EYA4: variants seen among roughly 807,000 people sequenced by gnomAD.
The protein encoded by EYA4 is EYA transcriptional coactivator and phosphatase 4.
Under a neutral mutation model 87.9 loss-of-function variants are expected in EYA4, and 31 were observed. The observed-to-expected ratio is 0.35, with a 90% CI of 0.27 to 0.48. The LOEUF (loss-of-function observed/expected upper bound fraction) is 0.48. Among genes scored for constraint, EYA4 ranks in the 20% least tolerant of loss-of-function variants. EYA4 has a pLI of 0.99. For missense variants in EYA4, 678 were observed against 761.4 expected (o/e 0.89, Z 1.29); for synonymous variants, 263 against 270.6 (o/e 0.97, Z 0.28).
At chr6:133,309,591 G>A (rs965774937) in intron 2 of EYA4, among the ~76,000 whole-genome samples, 2 of 152,112 alleles carry the variant, frequency 1.3e-5, no homozygotes, top group African/African-American at 4.8e-5. Context: ...TCATTAATTT[G>A]CTATTAATGT....
intron 2 of EYA4, among the ~76,000 whole-genome samples, chr6:133,348,905 T>C (rs1783423891): frequency 6.6e-6 from 1 of 152,166 alleles, no homozygotes; most frequent in African/African-American, 2.4e-5. Context: ...GTTCCTCTGC[T>C]CAAACCTGGC....
At chr6:133,518,568 T>A (rs1799811681) in intron 17 of EYA4, among the ~76,000 whole-genome samples, 2 of 152,210 alleles carry the variant, frequency 1.3e-5, no homozygotes, top group Non-Finnish European at 2.9e-5. Context: ...ACTTACCCTC[T>A]GACCCTAATT....
intron 2 of EYA4, among the ~76,000 whole-genome samples, chr6:133,354,007 A>C (rs1268017335): frequency 6.6e-6 from 1 of 152,178 alleles, no homozygotes; most frequent in East Asian, 1.9e-4. Flanking sequence ...GGTGGGCTTT[A>C]TGATGAGAAT....
intron 13 of EYA4, among the ~76,000 whole-genome samples, chr6:133,505,837 C>G (rs1798558710): frequency 6.6e-6 from 1 of 152,188 alleles, no homozygotes; most frequent in South Asian, 2.1e-4. Flanking sequence ...GATTTCCTTC[C>G]TCCTTCTCTC....
Position 133,530,305 on chromosome 6 carries a change from C to T in EYA4, c.*1500C>T, listed in dbSNP as rs1470618567. 3.0e-6 allele frequency: 3 copies of T among 985,460 alleles called. No homozygotes were observed. The highest frequency in any genetic ancestry group is 3.6e-6 in the Non-Finnish European group (3 of 829,932). The allele number at this position is 985,460 out of a possible 1,614,324, so 61.0% of individuals were successfully genotyped here. A position where few individuals can be genotyped will look rare whatever the true frequency, so the allele number is the denominator to read the frequency against. ...ACTGCGCAACGGATGGCATTCATTA[C>T]AAGAAGAGCCCATCATCGTTGTGTT... On this transcript the variant is annotated 3_prime_UTR_variant, in exon 20 of 20. Transcript: ENST00000355286.
At chr6:133,394,090 T>G (rs1293066059) in intron 3 of EYA4, among the ~76,000 whole-genome samples, 1 of 152,186 alleles carries the variant, frequency 6.6e-6, no homozygotes, top group African/African-American at 2.4e-5. Context: ...ATGGGTTCTT[T>G]GTTCACGTGT....
upstream of EYA4, chr6:133,241,205 GC>G: frequency 6.6e-6 from 1 of 152,050 alleles, no homozygotes; most frequent in Non-Finnish European, 1.5e-5. Context: ...GCGCGCCGCC[GC>G]CCCCCGCGTC....
chr6:133,283,505 C>G (rs1176880588), intron 2 of EYA4, among the ~76,000 whole-genome samples: 1 of 152,048 alleles, frequency 6.6e-6, no homozygotes, highest in East Asian at 1.9e-4. Flanking sequence ...CTTTATGCTA[C>G]TCATCTCACT....
intron 2 of EYA4, among the ~76,000 whole-genome samples, chr6:133,370,443 A>T (rs549451920): frequency 3.3e-5 from 5 of 152,356 alleles, no homozygotes; most frequent in African/African-American, 1.2e-4. Context: ...CAAGGATGAT[A>T]GAAGAAACTT....
chr6:133,464,939 A>T lies in EYA4; in HGVS notation c.804+81A>T, dbSNP rs912946186. 54 of 830,994 alleles carry T rather than the reference A, an allele frequency of 6.5e-5. No individual in the cohort carries two copies. The African/African-American group carries it at 8.6e-4, about 13-fold the overall frequency. 51.5% of individuals were successfully genotyped at this position (830,994 alleles called of 1,614,324 possible). A position where few individuals can be genotyped will look rare whatever the true frequency, so the allele number is the denominator to read the frequency against. On this transcript the variant is annotated intron_variant, in intron 10 of 19. Coordinates refer to ENST00000355286, the MANE Select transcript of EYA4 (RefSeq NM_004100.5). ...TACTCTCAGGTTGCCATATATGTGC[A>T]TACTCTCCCAGAATAAGGTTTCTTT...
chr6:133,464,935 G>A (rs1319496861), intron 10 of EYA4, 77 bp downstream of exon 10: 3 of 863,216 alleles, frequency 3.5e-6, no homozygotes, highest in Non-Finnish European at 1.9e-6. Flanking sequence ...TGCCATATAT[G>A]TGCATACTCT....
chr6:133,444,347 CTT>C (rs1416387433), intron 3 of EYA4, among the ~76,000 whole-genome samples: 1 of 152,086 alleles, frequency 6.6e-6, no homozygotes, highest in African/African-American at 2.4e-5. Context: ...GCTTGACCAT[CTT>C]TTTTATGTTA....
intron 2 of EYA4, among the ~76,000 whole-genome samples, chr6:133,325,728 G>T (rs1011283948): frequency 1.3e-5 from 2 of 152,100 alleles, no homozygotes; most frequent in African/African-American, 4.8e-5. Flanking sequence ...TTTTGTAAGG[G>T]GCAAGGTAGT....
At chr6:133,486,867 A>G (rs189572189) in intron 13 of EYA4, among the ~76,000 whole-genome samples, 1 of 152,376 alleles carries the variant, frequency 6.6e-6, no homozygotes, top group East Asian at 1.9e-4. Flanking sequence ...TCCTCCCTGC[A>G]GCAACACCAA....
intron 17 of EYA4, among the ~76,000 whole-genome samples, chr6:133,522,343 T>C (rs1800260007): frequency 6.6e-6 from 1 of 151,618 alleles, no homozygotes; most frequent in African/African-American, 2.4e-5. Context: ...GTGTAGAGTA[T>C]ATACATGTAT....
chr6:133,327,059 AT>A (rs530808215), intron 2 of EYA4, among the ~76,000 whole-genome samples: 1 of 151,966 alleles, frequency 6.6e-6, no homozygotes, highest in African/African-American at 2.4e-5. Flanking sequence ...ATATAATTTG[AT>A]TTTTTTGTTT....
In EYA4 at chr6:133,293,758, A is replaced by T. The variant is rs541107442; in HGVS notation, c.33+18945A>T. On this transcript the variant is annotated intron_variant, in intron 2 of 19. Transcript: ENST00000355286. ...CGACACCAGCCTGGGCAACATGGTG[A>T]AACCCCATCTCTACAAAAACATACA... 9.0e-4 allele frequency among the ~76,000 whole-genome samples: 136 copies of T among 151,810 alleles called. 4 individuals are homozygous for T. Among genetic ancestry groups the T allele is most frequent in the Middle Eastern group, 3.4e-3 (1 of 292 alleles).
At chr6:133,352,024 C>T (rs976149818) in intron 2 of EYA4, among the ~76,000 whole-genome samples, 11 of 151,350 alleles carry the variant, frequency 7.3e-5, no homozygotes, top group South Asian at 2.1e-4. Flanking sequence ...TTTATTGAAT[C>T]TCTTCTTTAT....
intron 5 of EYA4, among the ~76,000 whole-genome samples, chr6:133,449,859 A>G (rs1583310425): frequency 2.0e-5 from 3 of 152,242 alleles, no homozygotes; most frequent in Admixed American, 1.3e-4. Flanking sequence ...AGATAAATTT[A>G]GTTGCATTTA....
Sources: allele counts gnomAD v4.1 joint callset (sites outside exome capture counted in the v4.1 genomes callset), GRCh38; gene constraint gnomAD v4.1.1; transcripts MANE v1.5; gene names NCBI Gene and HGNC (gene_info 2026-07-23, HGNC 2026-07-21).